TGS1: variants seen among roughly 807,000 people sequenced by gnomAD.
TGS1 encodes the protein trimethylguanosine synthase.
TGS1 carries 69 observed loss-of-function variants against 92.2 expected under a neutral mutation model. The ratio of observed to expected loss-of-function variants is 0.75; its 90% CI spans 0.62 to 0.91. The LOEUF (loss-of-function observed/expected upper bound fraction) is 0.91, where lower values mean the gene tolerates loss of function less well. Among genes scored for constraint, TGS1 ranks in the 40% least tolerant of loss-of-function variants. The pLI is 0.00. For synonymous variants in TGS1, 345 were observed against 338.1 expected (o/e 1.02, Z -0.22); for missense variants, 1,062 against 1,001.2 (o/e 1.06, Z -0.82).
intron 1 of TGS1, among the ~76,000 whole-genome samples, chr8:55,778,368 A>G (rs1043863249): frequency 3.3e-5 from 5 of 152,346 alleles, no homozygotes; most frequent in Admixed American, 3.3e-4. Flanking sequence ...CAGTTGGCAT[A>G]GAACATGATT....
At chr8:55,818,597 G>A (rs533460797) in intron 12 of TGS1, among the ~76,000 whole-genome samples, 148 of 152,222 alleles carry the variant, frequency 9.7e-4, no homozygotes, top group Non-Finnish European at 1.8e-3. Context: ...GAGCAGAATC[G>A]TTTGTTCTTA....
intron 11 of TGS1, among the ~76,000 whole-genome samples, chr8:55,812,054 C>G (rs1803354460): frequency 6.6e-6 from 1 of 152,164 alleles, no homozygotes; most frequent in Non-Finnish European, 1.5e-5. Context: ...TCAATTCACA[C>G]TGATGCTGGC....
chr8:55,822,133 G>A (rs569700055), intron 12 of TGS1, among the ~76,000 whole-genome samples: 1 of 150,096 alleles, frequency 6.7e-6, no homozygotes. Context: ...GCAGTGGTGC[G>A]ATCTCAGCTC....
intron 9 of TGS1, 106 bp from the exon 10 acceptor site, chr8:55,804,787 A>G (rs1462274749): frequency 1.0e-6 from 1 of 981,146 alleles, no homozygotes; most frequent in Non-Finnish European, 1.5e-6. Flanking sequence ...AAAAAGGGAA[A>G]CTAAGCTTTT....
At chr8:55,819,793 C>T (rs565718924) in intron 12 of TGS1, among the ~76,000 whole-genome samples, 3 of 152,124 alleles carry the variant, frequency 2.0e-5, no homozygotes, top group Non-Finnish European at 2.9e-5. Context: ...CTTTCACCTC[C>T]CAGAGAACTT....
chr8:55,795,088 A>G (rs991344013), intron 6 of TGS1, among the ~76,000 whole-genome samples: 1 of 152,236 alleles, frequency 6.6e-6, no homozygotes, highest in African/African-American at 2.4e-5. Flanking sequence ...GGCTAAGATC[A>G]TAAAGTTTAG....
intron 1 of TGS1, among the ~76,000 whole-genome samples, chr8:55,779,676 A>G (rs899656304): frequency 6.6e-6 from 1 of 152,210 alleles, no homozygotes; most frequent in South Asian, 2.1e-4. Flanking sequence ...AAGAAAGAAT[A>G]TAAGTTATGA....
In TGS1 at chr8:55,802,527, TGTTCCTGA is replaced by T; in HGVS notation, c.1922_1929del (p.Val641AlafsTer16). ...ATGGTCTGCCTCCTGAAATAGCTGC[TGTTCCTGA>T]GCTGGCAAAATACTGGGCCCAGAGG... is the stretch of plus-strand genomic sequence containing the variant. On this transcript the variant is annotated frameshift_variant, in exon 9 of 13. Coordinates refer to ENST00000260129, the MANE Select transcript of TGS1 (RefSeq NM_024831.8). LOFTEE classifies it high-confidence loss of function. 6.2e-7 allele frequency: 1 copy of T among 1,614,144 alleles called. No individual in the cohort carries two copies. Among genetic ancestry groups the T allele is most frequent in the Non-Finnish European group, 8.5e-7 (1 of 1,179,988 alleles).
At chr8:55,781,360 T>TA (rs1404693885) in intron 1 of TGS1, among the ~76,000 whole-genome samples, 17 of 150,990 alleles carry the variant, frequency 1.1e-4, no homozygotes, top group East Asian at 1.9e-4. Flanking sequence ...CATTTCTATT[T>TA]AAAAAAAAAC....
chr8:55,821,648 T>C (rs1015786622), intron 12 of TGS1, among the ~76,000 whole-genome samples: 1 of 151,924 alleles, frequency 6.6e-6, no homozygotes, highest in Non-Finnish European at 1.5e-5. Context: ...CCGAGGTGGG[T>C]GGATCACGAG....
At chr8:55,824,513 G>A in intron 12 of TGS1, 68 bp from the exon 13 acceptor site, 1 of 1,594,462 alleles carries the variant, frequency 6.3e-7, no homozygotes. Context: ...TGATAAAGCA[G>A]TACAAGTGAA....
intron 12 of TGS1, among the ~76,000 whole-genome samples, chr8:55,823,869 C>A (rs1359335720): frequency 6.6e-6 from 1 of 152,082 alleles, no homozygotes; most frequent in Non-Finnish European, 1.5e-5. Context: ...AATCCCAGCA[C>A]TTTGGGAGGC....
intron 10 of TGS1, among the ~76,000 whole-genome samples, chr8:55,809,797 G>A (rs76906806): frequency 0.013 from 2,007 of 152,280 alleles, 40 homozygotes; most frequent in African/African-American, 0.046. Flanking sequence ...AACAAAGTCT[G>A]CCTCCAAAAG....
chr8:55,796,209 C>A, intron 7 of TGS1, 57 bp downstream of exon 7: 1 of 1,336,782 alleles, frequency 7.5e-7, no homozygotes, highest in Non-Finnish European at 1.0e-6. Flanking sequence ...TAAGTTTGAC[C>A]TCTTAAAATT....
At chr8:55,810,496 T>A (rs62516860) in intron 10 of TGS1, among the ~76,000 whole-genome samples, 20,826 of 152,252 alleles carry the variant, frequency 0.14, 1,561 homozygotes, top group African/African-American at 0.19. Flanking sequence ...AAGTTTGTCT[T>A]TTCCAAAACC....
At chr8:55,816,187 C>T (rs7835714) in intron 12 of TGS1, among the ~76,000 whole-genome samples, 23,635 of 151,942 alleles carry the variant, frequency 0.16, 2,152 homozygotes, top group African/African-American at 0.26. Flanking sequence ...CTTGGACAGC[C>T]AGAGAATTCC....
chr8:55,820,357 G>A (rs1233290910), intron 12 of TGS1, among the ~76,000 whole-genome samples: 1 of 152,090 alleles, frequency 6.6e-6, no homozygotes, highest in Non-Finnish European at 1.5e-5. Flanking sequence ...AGACCAGCCT[G>A]GCCAACATCG....
Position 55,773,697 on chromosome 8 carries a change from C to CTT in TGS1, c.81_82dup (p.Cys28PhefsTer17), listed in dbSNP as rs1198525035. 1 of 1,610,718 alleles carries CTT rather than the reference C, an allele frequency of 6.2e-7. No homozygotes were observed. The highest frequency in any genetic ancestry group is 2.2e-5 in the East Asian group (1 of 44,520). ...GCGGGAGGATTGTAAGATACTGTGCCTTTGCTCCAGGGCATTTGTGGAGTA... is the reference window on the plus strand; with the variant it reads ...GCGGGAGGATTGTAAGATACTGTGCCTTTTTGCTCCAGGGCATTTGTGGAGTA... On this transcript the variant is annotated frameshift_variant, in exon 1 of 13. Coordinates refer to ENST00000260129, the MANE Select transcript of TGS1 (RefSeq NM_024831.8). LOFTEE classifies it high-confidence loss of function.
chr8:55,805,288 A>G (rs1812334515), intron 10 of TGS1, among the ~76,000 whole-genome samples: 1 of 152,152 alleles, frequency 6.6e-6, no homozygotes, highest in Non-Finnish European at 1.5e-5. Context: ...GATTTTTTTC[A>G]GTAAATATAT....
Sources: allele counts gnomAD v4.1 joint callset (sites outside exome capture counted in the v4.1 genomes callset), GRCh38; gene constraint gnomAD v4.1.1; transcripts MANE v1.5; gene names NCBI Gene and HGNC (gene_info 2026-07-23, HGNC 2026-07-21).